MAST4: variants seen among roughly 807,000 people sequenced by gnomAD.
The protein encoded by MAST4 is microtubule-associated serine/threonine-protein kinase 4.
Under a neutral mutation model 162.7 loss-of-function variants are expected in MAST4, and 89 were observed. The observed-to-expected ratio is 0.55, with a 90% CI of 0.46 to 0.65. The LOEUF (loss-of-function observed/expected upper bound fraction) is 0.65, where lower values mean the gene tolerates loss of function less well. Ranked by LOEUF, MAST4 falls within the 30% of genes least tolerant of loss-of-function variation. The probability of loss-of-function intolerance (pLI) is 0.00; values close to 1 mark genes in which losing one functional copy is unlikely to be tolerated. For synonymous variants in MAST4, 1,479 were observed against 1,361.1 expected (o/e 1.09, Z -1.91); for missense variants, 3,153 against 3,374.0 (o/e 0.93, Z 1.62).
intron 1 of MAST4, among the ~76,000 whole-genome samples, chr5:66,720,933 T>A (rs1203378970): frequency 6.6e-6 from 1 of 152,076 alleles, no homozygotes; most frequent in Admixed American, 6.6e-5. Context: ...GTCCAGAGAC[T>A]CCCCCATCCC....
chr5:67,011,801 C>T (rs1319100084), intron 4 of MAST4, among the ~76,000 whole-genome samples: 3 of 152,108 alleles, frequency 2.0e-5, no homozygotes, highest in Non-Finnish European at 4.4e-5. Context: ...TAGGAGATCA[C>T]AGACTGTTTT....
At chr5:66,763,888 C>T (rs762696703) in intron 2 of MAST4, among the ~76,000 whole-genome samples, 1 of 152,154 alleles carries the variant, frequency 6.6e-6, no homozygotes, top group Non-Finnish European at 1.5e-5. Context: ...TCTGTCTTTA[C>T]TGAGGAGGAG....
chr5:66,871,122 A>G lies in MAST4; in HGVS notation c.643-28829A>G, dbSNP rs1760901646. Among the ~76,000 whole-genome samples, 4 of 152,114 alleles carry G rather than the reference A, an allele frequency of 2.6e-5. No individual in the cohort carries two copies. The South Asian group carries it at 8.3e-4, about 32-fold the overall frequency. On this transcript the variant is annotated intron_variant, in intron 3 of 28. Coordinates refer to ENST00000403625, the MANE Select transcript of MAST4 (RefSeq NM_001164664.2). ...TGGTGTAGATACTCCCACCCTGGCC[A>G]GTTTCCGGTACCAGTGTGACATCCC...
rs1473823740 is a variant in MAST4, at chr5:67,164,977, C to T, written c.5798C>T (p.Thr1933Ile). The T allele has an allele frequency of 6.8e-6, 11 of 1,613,854 alleles. No homozygotes were observed. Among genetic ancestry groups the T allele is most frequent in the Non-Finnish European group, 9.3e-6 (11 of 1,179,882 alleles). The part of the protein sequence containing the change: ...GSSPKHQDHT[T>I]DPKLLTCLGQ... ...TCCCCTAAACACCAAGACCACACCA[C>T]TGACCCCAAGCTTCTGACCTGCCTG... Residue 1933 changes from threonine to isoleucine, a missense_variant, in exon 29 of 29, where the codon ACT becomes ATT. Physicochemically the swap from Thr to Ile is moderately conservative, Grantham distance 89. Transcript: ENST00000403625. This position sits in a 1 kb window ranked among gnomAD's most constrained non-coding sequence, Gnocchi z 5.3.
chr5:66,748,871 A>C (rs898778350), intron 1 of MAST4, among the ~76,000 whole-genome samples: 44 of 151,572 alleles, frequency 2.9e-4, no homozygotes, highest in African/African-American at 9.2e-4. Flanking sequence ...AAATCAATTA[A>C]TAGGTCCCAG....
chr5:66,963,582 C>G (rs993316524), intron 4 of MAST4: 1 of 671,896 alleles, frequency 1.5e-6, no homozygotes, highest in Non-Finnish European at 2.7e-6. Flanking sequence ...AGATGATTAC[C>G]TAGTGGTGTA....
intron 4 of MAST4, among the ~76,000 whole-genome samples, chr5:67,029,485 A>G (rs1422718169): frequency 6.6e-6 from 1 of 152,134 alleles, no homozygotes; most frequent in Non-Finnish European, 1.5e-5. Flanking sequence ...AACTGCTAGC[A>G]TGTTTCTTTT....
At chr5:67,032,058 C>A (rs1373508033) in intron 4 of MAST4, among the ~76,000 whole-genome samples, 9 of 152,146 alleles carry the variant, frequency 5.9e-5, no homozygotes, top group Non-Finnish European at 1.2e-4. Context: ...AACTCTTGCT[C>A]CATGGCTGCT....
chr5:67,055,398 T>A (rs1758674876), intron 5 of MAST4, among the ~76,000 whole-genome samples: 1 of 152,204 alleles, frequency 6.6e-6, no homozygotes, highest in Non-Finnish European at 1.5e-5. Context: ...GTGAAAACTC[T>A]AATTTGATAC....
At chr5:67,058,613 A>G (rs957384792) in intron 5 of MAST4, among the ~76,000 whole-genome samples, 2 of 152,222 alleles carry the variant, frequency 1.3e-5, no homozygotes, top group Non-Finnish European at 2.9e-5. Flanking sequence ...GTGGGCTTTC[A>G]TGTGCTGGTA....
At chr5:66,637,061 A>G (rs961672998) in intron 1 of MAST4, among the ~76,000 whole-genome samples, 3 of 152,196 alleles carry the variant, frequency 2.0e-5, no homozygotes, top group African/African-American at 7.2e-5. Flanking sequence ...ACATGCATAC[A>G]CTTTTTATAA....
At chr5:66,729,217 G>T (rs1368974814) in intron 1 of MAST4, among the ~76,000 whole-genome samples, 1 of 152,184 alleles carries the variant, frequency 6.6e-6, no homozygotes, top group Non-Finnish European at 1.5e-5. Flanking sequence ...TTTGTACTGT[G>T]ATTTGAGTAA....
rs542381808 is a variant in MAST4 at position 67,037,405 on chromosome 5, T to G, written c.675-16999T>G. On this transcript the variant is annotated intron_variant, in intron 4 of 28. Coordinates refer to ENST00000403625, the MANE Select transcript of MAST4 (RefSeq NM_001164664.2). Reference sequence around the variant, plus strand: ...TTGTCATCATTTGATTTTAGGCTGGTGTGACTCAGACAGAACTGGATCTGT... The same window carrying G: ...TTGTCATCATTTGATTTTAGGCTGGGGTGACTCAGACAGAACTGGATCTGT... Among the ~76,000 whole-genome samples the G allele has an allele frequency of 2.2e-4, 34 of 152,276 alleles. 1 individual carries two copies. The highest frequency in any genetic ancestry group is 3.5e-4 in the Non-Finnish European group (24 of 68,018).
intron 5 of MAST4, among the ~76,000 whole-genome samples, chr5:67,054,878 C>G (rs766847): frequency 5.9e-5 from 9 of 151,926 alleles, no homozygotes; most frequent in African/African-American, 2.2e-4. Flanking sequence ...TTGTCTAATA[C>G]ATTGTGATGG....
intron 3 of MAST4, among the ~76,000 whole-genome samples, chr5:66,815,881 G>T (rs1561350527): frequency 6.6e-6 from 1 of 152,162 alleles, no homozygotes; most frequent in Non-Finnish European, 1.5e-5. Flanking sequence ...GGTTTTCAGG[G>T]TTGTCAGGTA....
At chr5:67,085,247 A>C (rs904841388) in intron 5 of MAST4, among the ~76,000 whole-genome samples, 2 of 152,142 alleles carry the variant, frequency 1.3e-5, no homozygotes, top group South Asian at 2.1e-4. Flanking sequence ...ATTTTTCAGC[A>C]AATCCCGTTG....
At chr5:67,162,996 G>T in intron 28 of MAST4, 151 bp from the exon 29 acceptor site, 1 of 1,082,414 alleles carries the variant, frequency 9.2e-7, no homozygotes, top group Non-Finnish European at 1.3e-6. Flanking sequence ...GGCCTGGAGA[G>T]GTTTATCTGA....
At chr5:66,969,366 C>T (rs573196517) in intron 4 of MAST4, among the ~76,000 whole-genome samples, 1 of 152,154 alleles carries the variant, frequency 6.6e-6, no homozygotes, top group African/African-American at 2.4e-5. Flanking sequence ...AGCTTTGTGA[C>T]CCTGGGCAAG....
rs768260043 is a variant in MAST4, at chr5:67,142,086, CCT to C, written c.2495-24_2495-23del. Reference sequence around the variant, plus strand: ...CTTAGTGGGGATAGTTTAACACTTTCCTCTCTGTCTCTACCTGCCCCCTTCCA... The same window carrying C: ...CTTAGTGGGGATAGTTTAACACTTTCCTCTGTCTCTACCTGCCCCCTTCCA... On this transcript the variant is annotated intron_variant, in intron 19 of 28. Coordinates refer to ENST00000403625, the MANE Select transcript of MAST4 (RefSeq NM_001164664.2). The C allele has an allele frequency of 8.7e-6, 14 of 1,606,758 alleles. No individual in the cohort carries two copies. In the South Asian group the frequency reaches 1.3e-4, roughly 15 times the overall value.
Sources: allele counts gnomAD v4.1 joint callset (sites outside exome capture counted in the v4.1 genomes callset), GRCh38; gene constraint gnomAD v4.1.1; non-coding constraint Gnocchi (gnomAD v3.1); transcripts MANE v1.5; gene names NCBI Gene and HGNC (gene_info 2026-07-23, HGNC 2026-07-21).